The following SPATA31H1 variants were observed in gnomAD, a reference collection of about 807,000 sequenced individuals.
The protein encoded by SPATA31H1 is spermatogenesis-associated protein 31H1.
At chr2:27,540,218 G>T in the SPATA31H1 span, among the ~76,000 whole-genome samples, 1 of 116,772 alleles carries the variant, frequency 8.6e-6, no homozygotes, top group African/African-American at 3.3e-5. Context: ...AGGGGCGGCC[G>T]GGCAGAGGCG....
the SPATA31H1 span, among the ~76,000 whole-genome samples, chr2:27,544,720 G>A: frequency 6.6e-6 from 1 of 151,324 alleles, no homozygotes; most frequent in African/African-American, 2.4e-5. Flanking sequence ...TTTTTAGTAG[G>A]GACGAGGTTT....
At chr2:27,574,429 C>A in the SPATA31H1 span, 2 of 398,292 alleles carry the variant, frequency 5.0e-6, no homozygotes, top group Non-Finnish European at 8.9e-6. Context: ...GGTGTGAAAT[C>A]TGTAGAGCTG....
the SPATA31H1 span, among the ~76,000 whole-genome samples, chr2:27,541,979 G>T: frequency 6.6e-6 from 1 of 151,842 alleles, no homozygotes; most frequent in African/African-American, 2.4e-5. Context: ...TCGCCATGGT[G>T]CCCAGCTGGT....
At chr2:27,540,549 G>T in the SPATA31H1 span, among the ~76,000 whole-genome samples, 3 of 141,438 alleles carry the variant, frequency 2.1e-5, no homozygotes, top group South Asian at 2.4e-4. Flanking sequence ...CCTCCCTCCC[G>T]GTCGGGGTGG....
At chr2:27,540,328 T>G in the SPATA31H1 span, among the ~76,000 whole-genome samples, 1 of 111,494 alleles carries the variant, frequency 9.0e-6, no homozygotes, top group South Asian at 4.0e-4. Flanking sequence ...GGCTCCTCAC[T>G]TCCCAGTAGG....
At chr2:27,551,382 C>T in the SPATA31H1 span, among the ~76,000 whole-genome samples, 3 of 152,034 alleles carry the variant, frequency 2.0e-5, no homozygotes, top group Non-Finnish European at 4.4e-5. Flanking sequence ...ATATGAGAGA[C>T]ACCCCTAACA....
the SPATA31H1 span, among the ~76,000 whole-genome samples, chr2:27,563,385 C>CTTTTTTTTTTTTT: frequency 3.1e-4 from 21 of 68,730 alleles, 4 homozygotes; most frequent in East Asian, 1.8e-3. Flanking sequence ...TCTTCTACTT[C>CTTTTTTTTTTTTT]TTTTTTTTTT....
At chr2:27,568,844 A>G in the SPATA31H1 span, 327 of 399,014 alleles carry the variant, frequency 8.2e-4, 1 homozygote, top group Non-Finnish European at 1.2e-3. Flanking sequence ...AAGGGACACA[A>G]TTTAAGGAAG....
At chr2:27,575,672 T>C in the SPATA31H1 span, 1 of 398,414 alleles carries the variant, frequency 2.5e-6, no homozygotes, top group African/African-American at 2.1e-5. The surrounding 1 kb of genome is among the most constrained non-coding windows in gnomAD (Gnocchi z 4.1). Context: ...AGTGTGTAAA[T>C]TCTACTGGGA....
At chr2:27,566,759 G>T in the SPATA31H1 span, 2 of 709,488 alleles carry the variant, frequency 2.8e-6, no homozygotes, top group Non-Finnish European at 5.3e-6. Flanking sequence ...AACAGGATTT[G>T]CCTGAATCAC....
At chr2:27,541,365 G>A in the SPATA31H1 span, among the ~76,000 whole-genome samples, 2 of 151,494 alleles carry the variant, frequency 1.3e-5, no homozygotes, top group Admixed American at 6.6e-5. Flanking sequence ...GCTTTGGCTC[G>A]GCATCAGAGG....
At chr2:27,580,778 A>G in the SPATA31H1 span, 1 of 1,614,094 alleles carries the variant, frequency 6.2e-7, no homozygotes, top group African/African-American at 1.3e-5. Context: ...ATTGCTTACC[A>G]AGCAGTATCA....
the SPATA31H1 span, among the ~76,000 whole-genome samples, chr2:27,538,749 T>G: frequency 4.6e-5 from 7 of 151,874 alleles, no homozygotes; most frequent in Admixed American, 3.9e-4. Flanking sequence ...GGGAAACACT[T>G]GAACCTGGGA....
the SPATA31H1 span, chr2:27,579,612 C>T: frequency 6.2e-7 from 1 of 1,614,188 alleles, no homozygotes; most frequent in South Asian, 1.1e-5. Context: ...AGTCATTCAA[C>T]ATATGCCTGT....
the SPATA31H1 span, among the ~76,000 whole-genome samples, chr2:27,543,259 C>A: frequency 6.6e-6 from 1 of 151,818 alleles, no homozygotes; most frequent in African/African-American, 2.4e-5. Context: ...ATTTTGTCAA[C>A]CTCCTTAGGA....
the SPATA31H1 span, among the ~76,000 whole-genome samples, chr2:27,541,265 A>T: frequency 6.6e-6 from 1 of 151,358 alleles, no homozygotes; most frequent in South Asian, 2.1e-4. Flanking sequence ...CGTGGCGGCG[A>T]GCGCCTGCAA....
the SPATA31H1 span, chr2:27,576,340 C>T: frequency 8.3e-6 from 4 of 480,372 alleles, no homozygotes; most frequent in East Asian, 9.1e-5. Context: ...AACTCTGGCC[C>T]GCAGCTGCAA....
chr2:27,562,416 G>A, the SPATA31H1 span, among the ~76,000 whole-genome samples: 1 of 151,404 alleles, frequency 6.6e-6, no homozygotes, highest in African/African-American at 2.4e-5. Context: ...TACTTGGGAG[G>A]CTGAGAATTA....
chr2:27,542,605 A>G, the SPATA31H1 span, among the ~76,000 whole-genome samples: 166 of 152,080 alleles, frequency 1.1e-3, 1 homozygote, highest in Non-Finnish European at 5.7e-4. Context: ...CTAGATCTTG[A>G]AGACAGATAT....
Sources: gnomAD v4.1 joint callset for allele counts (sites outside exome capture counted in the v4.1 genomes callset) on GRCh38, gnomAD v4.1.1 for gene constraint, Gnocchi (gnomAD v3.1) non-coding constraint, MANE v1.5 for transcripts, NCBI Gene and HGNC (gene_info 2026-07-23, HGNC 2026-07-21) for gene names.